SCN1B: variants seen among roughly 807,000 people sequenced by gnomAD.
SCN1B encodes sodium channel regulatory subunit beta-1.
SCN1B carries 11 observed loss-of-function variants against 25.7 expected under a neutral mutation model. The ratio of observed to expected loss-of-function variants is 0.43; its 90% CI spans 0.27 to 0.71. The LOEUF is 0.71. Ranked by LOEUF, SCN1B falls within the 30% of genes least tolerant of loss-of-function variation. SCN1B has a pLI of 0.21. For missense variants in SCN1B, 224 were observed against 291.5 expected (o/e 0.77, Z 1.69); for synonymous variants, 119 against 117.5 (o/e 1.01, Z -0.08).
intron 3 of SCN1B, 114 bp from the exon 4 acceptor site, chr19:35,039,003 A>G (rs1469049236): frequency 1.6e-6 from 2 of 1,250,328 alleles, no homozygotes; most frequent in Admixed American, 1.7e-5. Flanking sequence ...CACAGTGCAT[A>G]CACCAGGCCC....
In SCN1B at chr19:35,033,618, C is replaced by T; in HGVS notation, c.327C>T (p.Thr109=). ...TGCAGGATCTGTCTATCTTCATCACCAATGTCACCTACAACCACTCGGGCG... is the reference window on the plus strand; with the variant it reads ...TGCAGGATCTGTCTATCTTCATCACTAATGTCACCTACAACCACTCGGGCG... ...KDLQDLSIFI[T]NVTYNHSGDY... is the part of the protein sequence containing the mutation. The change falls in exon 3 of 6, where the codon ACC becomes ACT. Residue 109 remains threonine, a synonymous_variant. Coordinates refer to ENST00000262631, the MANE Select transcript of SCN1B (RefSeq NM_001037.5). The T allele has an allele frequency of 6.2e-7, 1 of 1,614,200 alleles. No homozygotes were observed. Among genetic ancestry groups the T allele is most frequent in the Non-Finnish European group, 8.5e-7 (1 of 1,180,036 alleles).
chr19:35,031,361 GGA>G (rs146154434), intron 1 of SCN1B: 120 of 146,660 alleles, frequency 8.2e-4, no homozygotes, highest in Admixed American at 1.8e-3. Flanking sequence ...GAGGGGTATT[GGA>G]GAGAGAGAGA....
At chr19:35,036,869 C>T (rs2064251401) in intron 3 of SCN1B, 1 of 152,048 alleles carries the variant, frequency 6.6e-6, no homozygotes, top group Non-Finnish European at 1.5e-5. Context: ...ATTCTCCTGC[C>T]TCAGCCTCCG....
chr19:35,034,472 G>A, intron 3 of SCN1B: 1 of 263,908 alleles, frequency 3.8e-6, no homozygotes, highest in Non-Finnish European at 7.3e-6. Flanking sequence ...AGCCACCCTG[G>A]ACCCCTTTTC....
chr19:35,039,774 C>G (rs1350465202), intron 5 of SCN1B, 23 bp from the exon 6 acceptor site: 3 of 1,497,400 alleles, frequency 2.0e-6, no homozygotes, highest in Non-Finnish European at 1.9e-6. Context: ...GTCCCTAATT[C>G]CCCCTCTCTT....
At position 35,030,777 on chromosome 19, in the gene SCN1B, A is replaced by G. The variant is rs1436932111; in HGVS notation, c.-44A>G. 14 of 818,298 alleles carry G rather than the reference A, an allele frequency of 1.7e-5. No individual in the cohort carries two copies. The highest frequency in any genetic ancestry group is 2.4e-5 in the Non-Finnish European group (14 of 595,384). The allele number at this position is 818,298 out of a possible 1,614,324, so 50.7% of individuals were successfully genotyped here. On this transcript the variant is annotated 5_prime_UTR_variant, in exon 1 of 6. Transcript: ENST00000262631. ...CCCGCCGCCTCTCGCCCCGCTATTA[A>G]TACCGGCGGCCCGGGAGGGGGGCGC... is the stretch of plus-strand genomic sequence containing the variant.
At position 35,032,380 on chromosome 19, in the gene SCN1B, A is replaced by T; in HGVS notation, c.41-148A>T. 1.2e-6 allele frequency: 1 copy of T among 804,518 alleles called. No individual in the cohort carries two copies. Among genetic ancestry groups the T allele is most frequent in the Non-Finnish European group, 2.0e-6 (1 of 495,508 alleles). The allele number at this position is 804,518 out of a possible 1,614,324, so 49.8% of individuals were successfully genotyped here. A position where few individuals can be genotyped will look rare whatever the true frequency, so the allele number is the denominator to read the frequency against. On this transcript the variant is annotated intron_variant, in intron 1 of 5. Transcript: ENST00000262631. The surrounding 1 kb of genome is among the most constrained non-coding windows in gnomAD (Gnocchi z 4.3). The stretch of plus-strand genomic sequence containing the variant: ...AGACTCAGGGATGAATGACTTGCTG[A>T]GGTCACGCAGTGAGTGACAGGGCTC...
intron 2 of SCN1B, 116 bp from the exon 3 acceptor site, chr19:35,033,383 G>A (rs1357437993): frequency 1.3e-6 from 2 of 1,567,566 alleles, no homozygotes; most frequent in African/African-American, 1.3e-5. Flanking sequence ...CAAGGTGTCT[G>A]AGCCCATCTG....
At position 35,032,714 on chromosome 19, in the gene SCN1B, G is replaced by C. The variant is rs912692971; in HGVS notation, c.207+20G>C. 1 of 1,612,418 alleles carries C rather than the reference G, an allele frequency of 6.2e-7. No individual in the cohort carries two copies. Among genetic ancestry groups the C allele is most frequent in the Non-Finnish European group, 8.5e-7 (1 of 1,179,810 alleles). On this transcript the variant is annotated intron_variant, in intron 2 of 5. Coordinates refer to ENST00000262631, the MANE Select transcript of SCN1B (RefSeq NM_001037.5). The surrounding 1 kb of genome is among the most constrained non-coding windows in gnomAD (Gnocchi z 4.3). ...GTCAAGGTGTGCGGGTGCCGGGAAC[G>C]GGCATGGGAGGGCAGGGGTCCACGA...
At chr19:35,038,080 C>T (rs79880513) in intron 3 of SCN1B, 23,157 of 152,044 alleles carry the variant, frequency 0.15, 1,794 homozygotes, top group Middle Eastern at 0.19. Context: ...CATCCGGCCC[C>T]GCTCCCTCCC....
rs2151745892 is a variant in SCN1B at position 35,032,321 on chromosome 19, G to A, written c.41-207G>A. ...GGGCCCAGCCATTGCTGGAAGCAAA[G>A]GACCATTTCTTTCAACAAGAGAGAG... On this transcript the variant is annotated intron_variant, in intron 1 of 5. Coordinates refer to ENST00000262631, the MANE Select transcript of SCN1B (RefSeq NM_001037.5). The surrounding 1 kb of genome is among the most constrained non-coding windows in gnomAD (Gnocchi z 4.3). Among the ~76,000 whole-genome samples the A allele has an allele frequency of 6.6e-6, 1 of 152,364 alleles. No individual in the cohort carries two copies. Among genetic ancestry groups the A allele is most frequent in the African/African-American group, 2.4e-5 (1 of 41,574 alleles).
chr19:35,034,869 T>G (rs2064238417), intron 3 of SCN1B: 1 of 152,236 alleles, frequency 6.6e-6, no homozygotes, highest in African/African-American at 2.4e-5. Context: ...GTGACTGTGT[T>G]TCTGTTCTTG....
intron 3 of SCN1B, 149 bp from the exon 4 acceptor site, chr19:35,038,968 C>T: frequency 1.1e-6 from 1 of 928,782 alleles, no homozygotes; most frequent in Non-Finnish European, 1.7e-6. Flanking sequence ...CCCACCAGGC[C>T]TACCCAAGGC....
chr19:35,038,849 C>A (rs1171808154), intron 3 of SCN1B: 1 of 503,586 alleles, frequency 2.0e-6, no homozygotes, highest in Non-Finnish European at 3.7e-6. Context: ...AGCCTTTGAA[C>A]CTGAGCCTTC....
At chr19:35,039,426 C>G (rs960496003) in intron 4 of SCN1B, 168 bp downstream of exon 4, 3 of 1,054,290 alleles carry the variant, frequency 2.8e-6, no homozygotes, top group Middle Eastern at 2.8e-4. Flanking sequence ...TAGGGGTCGT[C>G]AGACCCAGCC....
chr19:35,039,851 C>T lies in SCN1B; in HGVS notation c.*60C>T. 1.2e-6 allele frequency: 1 copy of T among 810,966 alleles called. No individual in the cohort carries two copies. The highest frequency in any genetic ancestry group is 2.0e-6 in the Non-Finnish European group (1 of 506,316). 50.2% of individuals were successfully genotyped at this position (810,966 alleles called of 1,614,324 possible). On this transcript the variant is annotated 3_prime_UTR_variant, in exon 6 of 6. Coordinates refer to ENST00000262631, the MANE Select transcript of SCN1B (RefSeq NM_001037.5). The stretch of plus-strand genomic sequence containing the variant: ...GCCGTAATGGGGACTCTCCAGGCAC[C>T]GCCTGCCCCCAGCGTGGGGGTGGCC...
rs753994622 is a variant in SCN1B at position 35,032,577 on chromosome 19, C to T, written c.90C>T (p.Ala30=). ...GCVEVDSETE[A]VYGMTFKILC... ...TGGAGGTGGACTCGGAGACCGAGGCCGTGTATGGGATGACCTTCAAAATTC... is the reference window on the plus strand; with the variant it reads ...TGGAGGTGGACTCGGAGACCGAGGCTGTGTATGGGATGACCTTCAAAATTC... Residue 30 remains alanine (A), a synonymous_variant, in exon 2 of 6, where the codon GCC becomes GCT. Transcript: ENST00000262631. The surrounding 1 kb of genome is among the most constrained non-coding windows in gnomAD (Gnocchi z 4.3). 2.9e-5 allele frequency: 47 copies of T among 1,613,962 alleles called. No individual in the cohort carries two copies. In the South Asian group the frequency reaches 3.4e-4, roughly 12 times the overall value.
Position 35,030,697 on chromosome 19 carries a change from G to A in SCN1B, c.-124G>A, listed in dbSNP as rs1002487178. On this transcript the variant is annotated 5_prime_UTR_variant, in exon 1 of 6. Transcript: ENST00000262631. ...CCCTCCTCCCCCCTCGCCGGTCCCA[G>A]AGCCGCAGCTGCTGCGCCCGCGCGC... The A allele has an allele frequency of 1.4e-5, 3 of 219,724 alleles. No individual in the cohort carries two copies. The highest frequency in any genetic ancestry group is 1.2e-4 in the Admixed American group (2 of 16,738). 13.6% of individuals were successfully genotyped at this position (219,724 alleles called of 1,614,324 possible). A position where few individuals can be genotyped will look rare whatever the true frequency, so the allele number is the denominator to read the frequency against.
rs1160021606 is a variant in SCN1B, at chr19:35,039,521, C to G, written c.591-114C>G. On this transcript the variant is annotated intron_variant, in intron 4 of 5. Transcript: ENST00000262631. ...GAGTCCACCCATAGACTCCTTCTCT[C>G]TCTAACTAAGGAGCCCTGTGTACCT... 4 of 1,127,130 alleles carry G rather than the reference C, an allele frequency of 3.5e-6. No individual in the cohort carries two copies. In the African/African-American group the frequency reaches 6.2e-5, roughly 17 times the overall value. 69.8% of individuals were successfully genotyped at this position (1,127,130 alleles called of 1,614,324 possible).
Sources: gnomAD v4.1 joint callset for allele counts (sites outside exome capture counted in the v4.1 genomes callset) on GRCh38, gnomAD v4.1.1 for gene constraint, Gnocchi (gnomAD v3.1) non-coding constraint, MANE v1.5 for transcripts, NCBI Gene and HGNC (gene_info 2026-07-23, HGNC 2026-07-21) for gene names.